The following ZNF365 variants were observed in gnomAD, a reference collection of about 807,000 sequenced individuals.
ZNF365 encodes the protein zinc finger protein 365, also known as protein ZNF365.
ZNF365 carries 22 observed loss-of-function variants against 35.0 expected under a neutral mutation model. The observed-to-expected ratio is 0.63, with a 90% CI of 0.45 to 0.90. The LOEUF (loss-of-function observed/expected upper bound fraction) is 0.90. ZNF365 is among the 40% of genes least tolerant of loss of function. The pLI is 0.00. For missense variants in ZNF365, 448 were observed against 500.3 expected, an observed-to-expected ratio of 0.90 and a Z score of 1.00; for synonymous variants, 188 against 196.2, an observed-to-expected ratio of 0.96 and a Z score of 0.35.
At chr10:62,448,550 TG>T (rs1339825083) in intron 3 of ZNF365, among the ~76,000 whole-genome samples, 7 of 151,762 alleles carry the variant, frequency 4.6e-5, no homozygotes, top group Non-Finnish European at 7.4e-5. Context: ...TGATTTGGAG[TG>T]TTTTTTTACT....
chr10:62,375,412 G>A (rs1839304911), intron 1 of ZNF365: 1 of 152,260 alleles, frequency 6.6e-6, no homozygotes, highest in South Asian at 2.1e-4. Flanking sequence ...TTGACACATT[G>A]GGTCCCCAGG....
At chr10:62,379,533 T>C (rs1589425432) in intron 2 of ZNF365, among the ~76,000 whole-genome samples, 2 of 152,092 alleles carry the variant, frequency 1.3e-5, no homozygotes, top group East Asian at 3.9e-4. Context: ...TTTCTGTACA[T>C]AAAGTGGGAC....
intron 4 of ZNF365, among the ~76,000 whole-genome samples, chr10:62,465,608 A>C (rs1840929505): frequency 6.6e-6 from 1 of 152,144 alleles, no homozygotes. Flanking sequence ...AGACTCAGCT[A>C]GACTCAGACA....
At position 62,462,195 on chromosome 10, in the gene ZNF365, A is replaced by C. The variant is rs11815831; in HGVS notation, c.981+2398A>C. Among the ~76,000 whole-genome samples, 9 of 150,998 alleles carry C rather than the reference A, an allele frequency of 6.0e-5. No homozygotes were observed. The East Asian group carries it at 1.5e-3, about 26-fold the overall frequency. The stretch of plus-strand genomic sequence containing the variant: ...TGTTTCAGCCACTACCTCCCCTCCC[A>C]CACACACACACACAGAGGAGGCTGA... On this transcript the variant is annotated intron_variant, in intron 4 of 4. Transcript: ENST00000395255.
chr10:62,406,051 G>A (rs1269964828), downstream of ZNF365, among the ~76,000 whole-genome samples: 3 of 152,186 alleles, frequency 2.0e-5, no homozygotes, highest in African/African-American at 2.4e-5. Context: ...GAGTGGGTAA[G>A]GGCAAGAGGA....
chr10:62,463,091 C>T (rs1207592284), intron 4 of ZNF365, among the ~76,000 whole-genome samples: 1 of 152,200 alleles, frequency 6.6e-6, no homozygotes, highest in African/African-American at 2.4e-5. Context: ...AAAAAACAAA[C>T]ATCAAAGTGC....
chr10:62,467,747 C>T (rs534477488), intron 4 of ZNF365, among the ~76,000 whole-genome samples: 31 of 152,242 alleles, frequency 2.0e-4, no homozygotes, highest in African/African-American at 5.8e-4. Context: ...TTCACTCATT[C>T]GGATGCTATG....
chr10:62,414,688 G>A (rs991696498), intron 3 of ZNF365, among the ~76,000 whole-genome samples: 26 of 152,082 alleles, frequency 1.7e-4, no homozygotes, highest in African/African-American at 6.0e-4. Flanking sequence ...TTGGCTTTCA[G>A]CCGTTTTATT....
rs1564568175 is a variant in ZNF365, at chr10:62,384,121, T to TA, written c.744-4275_744-4274insA. On this transcript the variant is annotated intron_variant, in intron 2 of 4. Transcript: ENST00000395254. Reference sequence around the variant, plus strand: ...TAATATTTGGCCTTTTTTTTTTTTTTTAAATAAAGAAGAAGTCGAAGATGG... The same window carrying TA: ...TAATATTTGGCCTTTTTTTTTTTTTTATAAATAAAGAAGAAGTCGAAGATGG... Among the ~76,000 whole-genome samples, 473 of 149,016 alleles carry TA rather than the reference T, an allele frequency of 3.2e-3. 4 individuals are homozygous for TA. The highest frequency in any genetic ancestry group is 0.011 in the African/African-American group (439 of 39,888).
intron 3 of ZNF365, among the ~76,000 whole-genome samples, chr10:62,444,457 A>C (rs1173785343): frequency 6.6e-6 from 1 of 152,134 alleles, no homozygotes; most frequent in East Asian, 1.9e-4. Context: ...TCTAGTTTTC[A>C]GTAGACTCTA....
intron 3 of ZNF365, among the ~76,000 whole-genome samples, chr10:62,418,682 T>C (rs1011061919): frequency 1.3e-5 from 2 of 152,096 alleles, no homozygotes; most frequent in African/African-American, 4.8e-5. Flanking sequence ...GAGGGCTATT[T>C]TTATTAAAGT....
chr10:62,415,213 C>T (rs1425736872), intron 3 of ZNF365, among the ~76,000 whole-genome samples: 1 of 151,996 alleles, frequency 6.6e-6, no homozygotes, highest in African/African-American at 2.4e-5. Context: ...TCACTCTCAG[C>T]ATGTGGAAAA....
intron 3 of ZNF365, among the ~76,000 whole-genome samples, chr10:62,414,218 TAGAC>T (rs910327810): frequency 3.9e-5 from 6 of 152,012 alleles, no homozygotes; most frequent in South Asian, 2.1e-4. Flanking sequence ...TTTTTTTTCT[TAGAC>T]AGAATCTCTT....
intron 3 of ZNF365, 29 bp from the exon 4 acceptor site, chr10:62,398,711 A>G (rs1329939192): frequency 1.2e-6 from 2 of 1,605,568 alleles, no homozygotes; most frequent in Non-Finnish European, 1.7e-6. Flanking sequence ...AAATGCAGTT[A>G]ACATTTTTTC....
chr10:62,386,937 C>A (rs556202531), intron 2 of ZNF365, among the ~76,000 whole-genome samples: 190 of 152,202 alleles, frequency 1.2e-3, no homozygotes, highest in African/African-American at 4.4e-3. Context: ...TTGAAAGAGC[C>A]TGAAAGGACA....
intron 3 of ZNF365, among the ~76,000 whole-genome samples, chr10:62,439,555 A>AT (rs1439153451): frequency 6.6e-6 from 1 of 152,216 alleles, no homozygotes; most frequent in African/African-American, 2.4e-5. Flanking sequence ...GGGAAAGCAT[A>AT]TGTGCAAGCC....
At chr10:62,465,410 G>A (rs902637004) in intron 4 of ZNF365, among the ~76,000 whole-genome samples, 1 of 152,184 alleles carries the variant, frequency 6.6e-6, no homozygotes, top group African/African-American at 2.4e-5. Flanking sequence ...GGGCAGACAG[G>A]TTCCTAGGTG....
At chr10:62,419,141 A>G (rs1840126732) in intron 3 of ZNF365, among the ~76,000 whole-genome samples, 1 of 152,144 alleles carries the variant, frequency 6.6e-6, no homozygotes, top group Admixed American at 6.6e-5. Flanking sequence ...GCTTTGATAC[A>G]GTCTACTCCT....
At chr10:62,477,070 T>TG (rs371622787) in intron 4 of ZNF365, among the ~76,000 whole-genome samples, 9 of 152,060 alleles carry the variant, frequency 5.9e-5, no homozygotes, top group Admixed American at 3.9e-4. Flanking sequence ...ACGCCTGGCA[T>TG]GGGGGGGATT....
Sources: gnomAD v4.1 joint callset for allele counts (sites outside exome capture counted in the v4.1 genomes callset) on GRCh38, gnomAD v4.1.1 for gene constraint, MANE v1.5 for transcripts, NCBI Gene and HGNC (gene_info 2026-07-23, HGNC 2026-07-21) for gene names.